CASK: variants seen among roughly 807,000 people sequenced by gnomAD.
CASK encodes the protein calcium/calmodulin dependent serine protein kinase.
CASK carries 4 observed loss-of-function variants against 82.9 expected under a neutral mutation model. The ratio of observed to expected loss-of-function variants is 0.05; its 90% CI spans 0.02 to 0.11. The LOEUF (loss-of-function observed/expected upper bound fraction) is 0.11. Among genes scored for constraint, CASK ranks in the 10% least tolerant of loss-of-function variants. CASK has a pLI of 1.00. For missense variants in CASK, 358 were observed against 720.9 expected, an observed-to-expected ratio of 0.50 and a Z score of 5.76; for synonymous variants, 259 against 253.5, an observed-to-expected ratio of 1.02 and a Z score of -0.20.
At chrX:41,856,639 GA>G (rs1239748594) in intron 1 of CASK, among the ~76,000 whole-genome samples, 2 of 109,954 alleles carry the variant, frequency 1.8e-5, no homozygotes, top group African/African-American at 3.3e-5. Flanking sequence ...TAGGGTCTCT[GA>G]AAAAAAGTAG....
At chrX:41,539,765 G>C (rs1306718073) in intron 22 of CASK, among the ~76,000 whole-genome samples, 2 of 112,153 alleles carry the variant, frequency 1.8e-5, no homozygotes, top group African/African-American at 3.2e-5. Context: ...CTAAGCAAAT[G>C]GTTCTTCTGG....
chrX:41,546,352 C>T (rs1279374206), intron 21 of CASK, among the ~76,000 whole-genome samples: 4 of 112,026 alleles, frequency 3.6e-5, no homozygotes, highest in South Asian at 7.4e-4. Context: ...TCAAGTGATC[C>T]GCCTGCCTTG....
chrX:41,888,824 T>A (rs1431840306), intron 1 of CASK, among the ~76,000 whole-genome samples: 2 of 106,684 alleles, frequency 1.9e-5, no homozygotes, highest in African/African-American at 3.4e-5. Flanking sequence ...TATGTATATA[T>A]GTATGTATAT....
chrX:41,644,997 G>T (rs751216677), intron 8 of CASK, among the ~76,000 whole-genome samples: 6 of 111,533 alleles, frequency 5.4e-5, no homozygotes, highest in Admixed American at 9.6e-5. Context: ...GTGGTCCTGT[G>T]ATCTCGCCTT....
chrX:41,720,795 A>G (rs917588177), intron 5 of CASK, among the ~76,000 whole-genome samples: 2 of 111,380 alleles, frequency 1.8e-5, no homozygotes, highest in Non-Finnish European at 3.8e-5. Flanking sequence ...CTTGCTATGT[A>G]TAGCCCACCA....
intron 11 of CASK, among the ~76,000 whole-genome samples, chrX:41,615,978 T>C (rs1425898316): frequency 9.0e-6 from 1 of 111,674 alleles, no homozygotes; most frequent in Non-Finnish European, 1.9e-5. Context: ...AGTTTATTAA[T>C]AATATAAGAT....
intron 2 of CASK, among the ~76,000 whole-genome samples, chrX:41,809,932 C>T (rs2070231109): frequency 8.9e-6 from 1 of 112,176 alleles, no homozygotes; most frequent in African/African-American, 3.2e-5. Flanking sequence ...ACGAGAACTA[C>T]GTGACAAATG....
At chrX:41,670,968 C>A (rs1468887857) in intron 6 of CASK, among the ~76,000 whole-genome samples, 1 of 112,197 alleles carries the variant, frequency 8.9e-6, no homozygotes, top group East Asian at 2.8e-4. Flanking sequence ...AGCCTGCATT[C>A]ACATCTGCTT....
At chrX:41,595,058 A>G (rs894071725) in intron 12 of CASK, among the ~76,000 whole-genome samples, 6 of 112,097 alleles carry the variant, frequency 5.4e-5, no homozygotes, top group Non-Finnish European at 1.1e-4. Context: ...AGAAAAAATA[A>G]GTATTATATT....
chrX:41,733,317 T>G (rs2068437311), intron 5 of CASK, among the ~76,000 whole-genome samples: 1 of 111,066 alleles, frequency 9.0e-6, no homozygotes. Flanking sequence ...AAACACAAGA[T>G]AAATTTATAA....
chrX:41,716,111 C>T (rs145052159), intron 5 of CASK, among the ~76,000 whole-genome samples: 227 of 112,424 alleles, frequency 2.0e-3, no homozygotes, highest in African/African-American at 6.8e-3. Flanking sequence ...CATAATGTTC[C>T]AGCAGTGGGC....
At chrX:41,859,428 G>A (rs1376013104) in intron 1 of CASK, among the ~76,000 whole-genome samples, 3 of 111,744 alleles carry the variant, frequency 2.7e-5, no homozygotes, top group Non-Finnish European at 3.8e-5. Flanking sequence ...TTACAGGCAC[G>A]CATGTAATGG....
chrX:41,710,080 T>TG (rs2067947632), intron 5 of CASK, among the ~76,000 whole-genome samples: 28 of 90,438 alleles, frequency 3.1e-4, no homozygotes, highest in East Asian at 6.9e-4. Context: ...GGGTATAGAT[T>TG]TTGTGTGTGT....
At chrX:41,838,779 C>T (rs1293412001) in intron 2 of CASK, among the ~76,000 whole-genome samples, 1 of 110,957 alleles carries the variant, frequency 9.0e-6, no homozygotes, top group Non-Finnish European at 1.9e-5. Flanking sequence ...AGCTATGTAG[C>T]TTTATGTTTT....
At chrX:41,540,425 T>C (rs1050333904) in intron 22 of CASK, among the ~76,000 whole-genome samples, 1 of 112,626 alleles carries the variant, frequency 8.9e-6, no homozygotes, top group Non-Finnish European at 1.9e-5. Context: ...AGATAGACAG[T>C]ACAAGAATAC....
At chrX:41,564,098 A>C (rs1569308385) in intron 16 of CASK, among the ~76,000 whole-genome samples, 1 of 112,275 alleles carries the variant, frequency 8.9e-6, no homozygotes, top group African/African-American at 3.2e-5. Flanking sequence ...GTAATGACTA[A>C]GCTGAGTTTA....
chrX:41,669,380 C>A (rs1399098711), intron 6 of CASK, among the ~76,000 whole-genome samples: 1 of 110,995 alleles, frequency 9.0e-6, no homozygotes, highest in Non-Finnish European at 1.9e-5. Flanking sequence ...TTTTCCCCCC[C>A]AGTCAAGATG....
intron 2 of CASK, among the ~76,000 whole-genome samples, chrX:41,825,912 G>A (rs1022191429): frequency 1.8e-5 from 2 of 112,111 alleles, no homozygotes; most frequent in African/African-American, 6.5e-5. Flanking sequence ...TTAACAAACA[G>A]TGCCAGACTG....
chrX:41,751,675 G>A (rs2068792161), intron 3 of CASK, among the ~76,000 whole-genome samples: 1 of 110,311 alleles, frequency 9.1e-6, no homozygotes, highest in Non-Finnish European at 1.9e-5. Flanking sequence ...CTCCTGGCTG[G>A]GACCATAGAG....
Sources: gnomAD v4.1 joint callset for allele counts (sites outside exome capture counted in the v4.1 genomes callset) on GRCh38, gnomAD v4.1.1 for gene constraint, MANE v1.5 for transcripts, NCBI Gene and HGNC (gene_info 2026-07-23, HGNC 2026-07-21) for gene names.